The following SEPTIN2 variants were observed in gnomAD, a reference collection of about 807,000 sequenced individuals.
SEPTIN2 encodes septin 2.
Under a neutral mutation model 46.5 loss-of-function variants are expected in SEPTIN2, and 34 were observed. That is an observed-to-expected ratio of 0.73 (90% CI 0.56 to 0.97). The LOEUF (loss-of-function observed/expected upper bound fraction) is 0.97, where lower values mean the gene tolerates loss of function less well. SEPTIN2 is among the 50% of genes least tolerant of loss of function. SEPTIN2 has a pLI of 0.00. For synonymous variants in SEPTIN2, 175 were observed against 153.4 expected (o/e 1.14, Z -1.04); for missense variants, 347 against 448.4 (o/e 0.77, Z 2.04).
intron 5 of SEPTIN2, 188 bp from the exon 6 acceptor site, chr2:241,337,194 G>A: frequency 1.8e-6 from 1 of 558,932 alleles, no homozygotes; most frequent in South Asian, 2.6e-5. Flanking sequence ...GCACTTAGGG[G>A]CAGTTATGCT....
chr2:241,323,234 G>A (rs561826252), intron 1 of SEPTIN2, among the ~76,000 whole-genome samples: 80 of 151,296 alleles, frequency 5.3e-4, no homozygotes, highest in African/African-American at 1.9e-3. Context: ...GCAGTGGCAT[G>A]ATCTCGGCTC....
chr2:241,339,041 A>G (rs1037052251), intron 7 of SEPTIN2, among the ~76,000 whole-genome samples: 22 of 129,742 alleles, frequency 1.7e-4, no homozygotes, highest in Admixed American at 8.7e-4. Context: ...TACATATTAT[A>G]TATACATTTT....
chr2:241,333,845 TC>T (rs1184921014), intron 3 of SEPTIN2, among the ~76,000 whole-genome samples: 2 of 152,282 alleles, frequency 1.3e-5, no homozygotes, highest in African/African-American at 4.8e-5. Context: ...TTCTTGATTT[TC>T]CCAGAATTGT....
intron 8 of SEPTIN2, 127 bp downstream of exon 8, chr2:241,343,220 C>A: frequency 1.6e-6 from 1 of 636,160 alleles, no homozygotes; most frequent in Non-Finnish European, 2.8e-6. Context: ...ATTTTAAGAC[C>A]TCATGCAGTG....
chr2:241,328,424 C>G (rs1175499920), intron 3 of SEPTIN2, among the ~76,000 whole-genome samples: 1 of 151,700 alleles, frequency 6.6e-6, no homozygotes, highest in Non-Finnish European at 1.5e-5. Context: ...GAGCAAGACT[C>G]CGTCTCAAAA....
intron 1 of SEPTIN2, among the ~76,000 whole-genome samples, chr2:241,318,986 G>A (rs143426743): frequency 2.6e-5 from 4 of 152,194 alleles, no homozygotes; most frequent in African/African-American, 7.2e-5. Context: ...ATGAGCTACC[G>A]CACCCAGCCG....
At chr2:241,350,014 G>A in intron 11 of SEPTIN2, 59 bp from the exon 12 acceptor site, 1 of 1,532,712 alleles carries the variant, frequency 6.5e-7, no homozygotes, top group East Asian at 2.4e-5. Flanking sequence ...AGAACACCCA[G>A]AAATAATGTT....
intron 10 of SEPTIN2, among the ~76,000 whole-genome samples, chr2:241,347,104 T>A (rs1026534270): frequency 1.3e-5 from 2 of 152,146 alleles, no homozygotes; most frequent in Non-Finnish European, 2.9e-5. Flanking sequence ...AAATTTTTTT[T>A]AAATTAGCCA....
intron 8 of SEPTIN2, among the ~76,000 whole-genome samples, chr2:241,343,550 G>T (rs1387501272): frequency 6.6e-6 from 1 of 152,040 alleles, no homozygotes; most frequent in South Asian, 2.1e-4. Context: ...AAATTTTATT[G>T]TAGGTTTAAT....
chr2:241,348,663 A>G (rs2060498551), intron 11 of SEPTIN2, among the ~76,000 whole-genome samples: 1 of 152,172 alleles, frequency 6.6e-6, no homozygotes, highest in African/African-American at 2.4e-5. Flanking sequence ...TACTATATAT[A>G]CACATCTATA....
At chr2:241,344,790 G>A (rs1239377486) in intron 9 of SEPTIN2, among the ~76,000 whole-genome samples, 1 of 152,172 alleles carries the variant, frequency 6.6e-6, no homozygotes, top group African/African-American at 2.4e-5. Context: ...CTGAGGCCGG[G>A]TGCGGTGGCT....
At chr2:241,345,738 A>G (rs1451204767) in intron 9 of SEPTIN2, among the ~76,000 whole-genome samples, 2 of 152,136 alleles carry the variant, frequency 1.3e-5, no homozygotes, top group African/African-American at 4.8e-5. Flanking sequence ...TTCTCATATG[A>G]GAGTAATATA....
chr2:241,338,668 T>C (rs1205322310), intron 7 of SEPTIN2, among the ~76,000 whole-genome samples: 13 of 126,524 alleles, frequency 1.0e-4, no homozygotes, highest in African/African-American at 3.0e-4. Flanking sequence ...ATTATATCTA[T>C]ATTATTTATA....
chr2:241,344,733 C>T (rs962322109), intron 9 of SEPTIN2, among the ~76,000 whole-genome samples: 1 of 151,684 alleles, frequency 6.6e-6, no homozygotes, highest in South Asian at 2.1e-4. Flanking sequence ...AAATAAATTT[C>T]ACATATTGTA....
At chr2:241,349,406 G>A (rs1212903556) in intron 11 of SEPTIN2, among the ~76,000 whole-genome samples, 1 of 150,616 alleles carries the variant, frequency 6.6e-6, no homozygotes, top group Non-Finnish European at 1.5e-5. Context: ...GTATATGTAT[G>A]TATATATATT....
chr2:241,340,306 C>A (rs2081084285), intron 7 of SEPTIN2, among the ~76,000 whole-genome samples: 1 of 152,118 alleles, frequency 6.6e-6, no homozygotes, highest in South Asian at 2.1e-4. Context: ...AGGGACTTGG[C>A]TCTTGCTTTT....
At chr2:241,338,898 T>C (rs1165973109) in intron 7 of SEPTIN2, among the ~76,000 whole-genome samples, 3 of 80,474 alleles carry the variant, frequency 3.7e-5, no homozygotes, top group Admixed American at 4.2e-4. Flanking sequence ...ATATATTATA[T>C]ATATTATATA....
chr2:241,340,565 T>G (rs71430328), intron 7 of SEPTIN2, among the ~76,000 whole-genome samples: 21,661 of 152,232 alleles, frequency 0.14, 2,037 homozygotes, highest in Non-Finnish European at 0.21. Context: ...ATAAATACTT[T>G]AGTAATTCCT....
intron 4 of SEPTIN2, chr2:241,335,501 T>A: frequency 1.4e-6 from 1 of 735,950 alleles, no homozygotes; most frequent in Non-Finnish European, 2.3e-6. Context: ...TAAGTGAGAA[T>A]GTTTTACATC....
Sources: gnomAD v4.1 joint callset for allele counts (sites outside exome capture counted in the v4.1 genomes callset) on GRCh38, gnomAD v4.1.1 for gene constraint, MANE v1.5 for transcripts, NCBI Gene and HGNC (gene_info 2026-07-23, HGNC 2026-07-21) for gene names.